Variants in CDH4 observed in about 807,000 individuals in gnomAD.
The protein encoded by CDH4 is cadherin 4.
CDH4 carries 33 observed loss-of-function variants against 86.0 expected under a neutral mutation model. That is an observed-to-expected ratio of 0.38 (90% CI 0.29 to 0.51). The LOEUF (loss-of-function observed/expected upper bound fraction) is 0.51, where lower values mean the gene tolerates loss of function less well. Among genes scored for constraint, CDH4 ranks in the 20% least tolerant of loss-of-function variants. The pLI, the probability that CDH4 is intolerant of heterozygous loss-of-function variation, is 0.86. For missense variants in CDH4, 1,114 were observed against 1,307.4 expected, an observed-to-expected ratio of 0.85 and a Z score of 2.28; for synonymous variants, 555 against 549.4, an observed-to-expected ratio of 1.01 and a Z score of -0.14.
At chr20:61,739,636 G>A (rs1330412220) in intron 2 of CDH4, among the ~76,000 whole-genome samples, 2 of 152,240 alleles carry the variant, frequency 1.3e-5, no homozygotes, top group South Asian at 2.1e-4. Context: ...TGCGGGTCCT[G>A]GATGGGGCTG....
intron 2 of CDH4, among the ~76,000 whole-genome samples, chr20:61,528,804 C>G (rs2085931691): frequency 1.3e-5 from 2 of 151,586 alleles, no homozygotes; most frequent in Non-Finnish European, 2.9e-5. Flanking sequence ...CCTGGCTGCT[C>G]TCCCGTGTCT....
At chr20:61,719,875 A>T (rs1380365682) in intron 2 of CDH4, 1 of 152,210 alleles carries the variant, frequency 6.6e-6, no homozygotes, top group Non-Finnish European at 1.5e-5. Context: ...GACTGTTGAG[A>T]TGAAGGCGCG....
intron 2 of CDH4, among the ~76,000 whole-genome samples, chr20:61,547,942 G>A (rs1056101660): frequency 2.0e-5 from 3 of 152,262 alleles, no homozygotes; most frequent in South Asian, 2.1e-4. Context: ...TTAGATAACA[G>A]CGTGAAATAA....
intron 2 of CDH4, among the ~76,000 whole-genome samples, chr20:61,697,168 G>A (rs1282877475): frequency 6.6e-6 from 1 of 152,154 alleles, no homozygotes; most frequent in Non-Finnish European, 1.5e-5. Flanking sequence ...TGCGGATGAA[G>A]GATCCTAGGG....
chr20:61,703,273 C>A lies in CDH4; in HGVS notation c.170-40290C>A, dbSNP rs538599731. ...TTTGTGGCAGAGGCTGCTCTGAGCACAGAGACCTGAGCATCATGAGGCATT... is the reference window on the plus strand; with the variant it reads ...TTTGTGGCAGAGGCTGCTCTGAGCAAAGAGACCTGAGCATCATGAGGCATT... On this transcript the variant is annotated intron_variant, in intron 2 of 15. Coordinates refer to ENST00000614565, the MANE Select transcript of CDH4 (RefSeq NM_001794.5). This position sits in a 1 kb window ranked among gnomAD's most constrained non-coding sequence, Gnocchi z 4.3. Among the ~76,000 whole-genome samples, 9 of 152,232 alleles carry A rather than the reference C, an allele frequency of 5.9e-5. 1 individual carries two copies. The South Asian group carries it at 1.9e-3, about 32-fold the overall frequency.
rs1480560585 is a variant in CDH4 at position 61,879,050 on chromosome 20, AAAC to A, written c.1050+5158_1050+5160del. 2.0e-5 allele frequency among the ~76,000 whole-genome samples: 3 copies of A among 152,244 alleles called. No individual in the cohort carries two copies. The highest frequency in any genetic ancestry group is 4.4e-5 in the Non-Finnish European group (3 of 68,036). On this transcript the variant is annotated intron_variant, in intron 7 of 15. Coordinates refer to ENST00000614565, the MANE Select transcript of CDH4 (RefSeq NM_001794.5). The surrounding 1 kb of genome is among the most constrained non-coding windows in gnomAD (Gnocchi z 4.1). ...GTCGGATTTTCAGCAGCAAACAATA[AAAC>A]AACAACAGGTTTTAAGACAACGGCT...
intron 7 of CDH4, among the ~76,000 whole-genome samples, chr20:61,885,990 C>T (rs1320724457): frequency 1.3e-5 from 2 of 152,246 alleles, no homozygotes; most frequent in African/African-American, 2.4e-5. Flanking sequence ...CAGCCGCCGT[C>T]GTGCTGGGAC....
chr20:61,688,118 G>A (rs1435138471), intron 2 of CDH4, among the ~76,000 whole-genome samples: 1 of 152,174 alleles, frequency 6.6e-6, no homozygotes, highest in Non-Finnish European at 1.5e-5. Context: ...CCCTACAGCA[G>A]CCTCTGAGCT....
chr20:61,302,775 G>A (rs760657744), intron 2 of CDH4, among the ~76,000 whole-genome samples: 4 of 152,184 alleles, frequency 2.6e-5, no homozygotes, highest in Admixed American at 6.5e-5. Flanking sequence ...ACCTTGCCCC[G>A]CAGAAGGGAC....
At chr20:61,469,521 T>C in intron 2 of CDH4, among the ~76,000 whole-genome samples, 1 of 152,214 alleles carries the variant, frequency 6.6e-6, no homozygotes, top group Non-Finnish European at 1.5e-5. Context: ...GTCTGTTCAC[T>C]TTGTTGATTG....
At chr20:61,695,866 A>C (rs1235545340) in intron 2 of CDH4, among the ~76,000 whole-genome samples, 1 of 152,014 alleles carries the variant, frequency 6.6e-6, no homozygotes, top group Admixed American at 6.6e-5. Flanking sequence ...TGGCCGCCAC[A>C]CTGAGCTACA....
intron 2 of CDH4, chr20:61,499,364 C>T (rs2085684269): frequency 2.0e-6 from 2 of 977,322 alleles, no homozygotes; most frequent in African/African-American, 3.3e-5. Flanking sequence ...ATAGCAGTGC[C>T]TCTTGCTCTG....
intron 3 of CDH4, among the ~76,000 whole-genome samples, chr20:61,755,824 C>T (rs1183188476): frequency 1.3e-5 from 2 of 152,204 alleles, no homozygotes; most frequent in African/African-American, 2.4e-5. Context: ...ACATTCCACA[C>T]AGTACACACG....
At chr20:61,837,183 A>G (rs894551302) in intron 4 of CDH4, among the ~76,000 whole-genome samples, 1 of 152,100 alleles carries the variant, frequency 6.6e-6, no homozygotes, top group East Asian at 1.9e-4. Flanking sequence ...ACAGAGCAAG[A>G]CCCTGTCTCA....
At chr20:61,283,572 T>C in intron 2 of CDH4, among the ~76,000 whole-genome samples, 1 of 145,228 alleles carries the variant, frequency 6.9e-6, no homozygotes, top group African/African-American at 2.5e-5. Context: ...GTAGGTGCAT[T>C]TGCACGTGTG....
intron 2 of CDH4, among the ~76,000 whole-genome samples, chr20:61,498,696 T>C (rs997665200): frequency 6.6e-6 from 1 of 152,092 alleles, no homozygotes; most frequent in Admixed American, 6.6e-5. Context: ...CTGGGCCACA[T>C]TGGAAGAGGA....
chr20:61,849,362 C>T (rs1194999713), intron 5 of CDH4, among the ~76,000 whole-genome samples: 2 of 152,234 alleles, frequency 1.3e-5, no homozygotes, highest in Admixed American at 6.5e-5. Flanking sequence ...TGTTAGTTCT[C>T]TGCACTGTGT....
chr20:61,670,709 G>A (rs913541338), intron 2 of CDH4, among the ~76,000 whole-genome samples: 11 of 152,210 alleles, frequency 7.2e-5, no homozygotes, highest in African/African-American at 2.4e-4. Context: ...GGATTCCCAT[G>A]ACTTCTGTGG....
rs1980428300 is a variant in CDH4 at position 61,811,375 on chromosome 20, G to GA, written c.577-33288dup. Among the ~76,000 whole-genome samples, 1 of 152,198 alleles carries GA rather than the reference G, an allele frequency of 6.6e-6. No homozygotes were observed. The highest frequency in any genetic ancestry group is 2.4e-5 in the African/African-American group (1 of 41,444). On this transcript the variant is annotated intron_variant, in intron 4 of 15. Transcript: ENST00000614565. The surrounding 1 kb of genome is among the most constrained non-coding windows in gnomAD (Gnocchi z 4.4). ...CGGCTTACACAGACACAGCCCAGGA[G>GA]AAAAAGCAGTGACCATTTGCCTGAA... is the stretch of plus-strand genomic sequence containing the variant.
Sources: gnomAD v4.1 joint callset for allele counts (sites outside exome capture counted in the v4.1 genomes callset) on GRCh38, gnomAD v4.1.1 for gene constraint, Gnocchi (gnomAD v3.1) non-coding constraint, MANE v1.5 for transcripts, NCBI Gene and HGNC (gene_info 2026-07-23, HGNC 2026-07-21) for gene names.